Variants in MIB1 observed in about 807,000 individuals in gnomAD.
MIB1 encodes the protein MIB E3 ubiquitin protein ligase 1, also known as E3 ubiquitin-protein ligase MIB1.
Under a neutral mutation model 124.5 loss-of-function variants are expected in MIB1, and 278 were observed. The ratio of observed to expected loss-of-function variants is 2.23; its 90% CI spans 2.02 to 2.47. The LOEUF (loss-of-function observed/expected upper bound fraction) is 2.47. Ranked by LOEUF, MIB1 falls within the 30% of genes most tolerant of loss-of-function variation. The pLI, the probability that MIB1 is intolerant of heterozygous loss-of-function variation, is 0.00. For synonymous variants in MIB1, 446 were observed against 429.4 expected (o/e 1.04, Z -0.48); for missense variants, 957 against 1,254.4 (o/e 0.76, Z 3.58).
chr18:21,833,625 T>A (rs2042002847), intron 12 of MIB1, among the ~76,000 whole-genome samples: 1 of 152,214 alleles, frequency 6.6e-6, no homozygotes, highest in Non-Finnish European at 1.5e-5. Flanking sequence ...GGGAAAATGT[T>A]GCCTGCCTCT....
At chr18:21,840,314 CAATT>C (rs1369975032) in intron 13 of MIB1, among the ~76,000 whole-genome samples, 1 of 151,970 alleles carries the variant, frequency 6.6e-6, no homozygotes, top group African/African-American at 2.4e-5. Context: ...CACATATAGT[CAATT>C]ACTTTTTTTA....
intron 1 of MIB1, among the ~76,000 whole-genome samples, chr18:21,755,550 C>T (rs2041022296): frequency 6.6e-6 from 1 of 152,038 alleles, no homozygotes; most frequent in African/African-American, 2.4e-5. Context: ...CTCCTAACCT[C>T]GTGATCCGCC....
At chr18:21,731,592 C>T (rs1420868186) in intron 1 of MIB1, among the ~76,000 whole-genome samples, 3 of 151,856 alleles carry the variant, frequency 2.0e-5, no homozygotes, top group African/African-American at 4.8e-5. Context: ...CATTAGCCGG[C>T]GTGGTGGCGG....
intron 12 of MIB1, among the ~76,000 whole-genome samples, chr18:21,835,973 G>T (rs2042027054): frequency 6.6e-6 from 1 of 151,818 alleles, no homozygotes; most frequent in South Asian, 2.1e-4. Flanking sequence ...TTTAGATTGG[G>T]CATGGTGGGT....
intron 17 of MIB1, among the ~76,000 whole-genome samples, chr18:21,851,876 T>C (rs1333432676): frequency 2.6e-5 from 4 of 152,278 alleles, no homozygotes; most frequent in Admixed American, 1.3e-4. Context: ...TTTTTTCTTA[T>C]AATAGCGGAA....
intron 15 of MIB1, among the ~76,000 whole-genome samples, chr18:21,844,940 TG>T (rs1047960406): frequency 2.0e-5 from 3 of 152,366 alleles, no homozygotes; most frequent in African/African-American, 7.2e-5. Context: ...GAGTTCTTTA[TG>T]TAATCGGAAT....
intron 7 of MIB1, among the ~76,000 whole-genome samples, chr18:21,795,284 T>C (rs1037244015): frequency 2.8e-5 from 4 of 141,580 alleles, no homozygotes; most frequent in Non-Finnish European, 4.5e-5. Flanking sequence ...TATAAATATA[T>C]ATGTATATAT....
At chr18:21,800,073 T>A in intron 9 of MIB1, 99 bp downstream of exon 9, 1 of 889,116 alleles carries the variant, frequency 1.1e-6, no homozygotes, top group Non-Finnish European at 1.6e-6. Context: ...ATGTGCTTCA[T>A]TTATTTCTTC....
At chr18:21,841,424 T>C (rs2042088208) in intron 13 of MIB1, among the ~76,000 whole-genome samples, 1 of 152,104 alleles carries the variant, frequency 6.6e-6, no homozygotes, top group Non-Finnish European at 1.5e-5. Flanking sequence ...GGTCAAAAGA[T>C]TTAAACATCC....
chr18:21,760,189 A>C (rs969611130), intron 1 of MIB1, among the ~76,000 whole-genome samples: 18 of 152,232 alleles, frequency 1.2e-4, no homozygotes, highest in Non-Finnish European at 2.5e-4. Context: ...ATTAAATTTT[A>C]TGAAATAAAA....
chr18:21,849,457 T>C, intron 17 of MIB1, 69 bp downstream of exon 17: 1 of 904,856 alleles, frequency 1.1e-6, no homozygotes, highest in South Asian at 2.4e-5. Context: ...ATAAATAAGA[T>C]TTAATGACAT....
At chr18:21,782,044 T>G (rs1163161343) in intron 6 of MIB1, among the ~76,000 whole-genome samples, 2 of 152,166 alleles carry the variant, frequency 1.3e-5, no homozygotes, top group African/African-American at 2.4e-5. Flanking sequence ...CTTCTACTAT[T>G]GGATTTGCTT....
rs2042311413 is a variant in MIB1, at chr18:21,865,212, A to G, written c.*546A>G. The G allele has an allele frequency of 6.6e-6, 1 of 152,228 alleles. No homozygotes were observed. The highest frequency in any genetic ancestry group is 2.4e-5 in the African/African-American group (1 of 41,470). 9.4% of individuals were successfully genotyped at this position (152,228 alleles called of 1,614,324 possible). A position where few individuals can be genotyped will look rare whatever the true frequency, so the allele number is the denominator to read the frequency against. On this transcript the variant is annotated 3_prime_UTR_variant, in exon 21 of 21. Coordinates refer to ENST00000261537, the MANE Select transcript of MIB1 (RefSeq NM_020774.4). ...TTTTTAAGATAACAGGAAGTTACCC[A>G]CATGTTTGTTTCTGAATTCTTAGAG... is the stretch of plus-strand genomic sequence containing the variant.
rs80161199 is a variant in MIB1 at position 21,810,186 on chromosome 18, C to T, written c.1480-5430C>T. Among the ~76,000 whole-genome samples, 321 of 152,040 alleles carry T rather than the reference C, an allele frequency of 2.1e-3. 1 individual carries two copies. The highest frequency in any genetic ancestry group is 7.2e-3 in the African/African-American group (297 of 41,488). The stretch of plus-strand genomic sequence containing the variant: ...ATAAAATACTTAGGCATGAACTTAA[C>T]GAAGGAGATAAGACTTATACATTGA... On this transcript the variant is annotated intron_variant, in intron 10 of 20. Coordinates refer to ENST00000261537, the MANE Select transcript of MIB1 (RefSeq NM_020774.4).
rs150071813 is a variant in MIB1, at chr18:21,708,556, C to T, written n.167+3433C>T. Among the ~76,000 whole-genome samples, 1,178 of 151,866 alleles carry T rather than the reference C, an allele frequency of 7.8e-3. 13 individuals are homozygous for T. Among genetic ancestry groups the T allele is most frequent in the African/African-American group, 0.026 (1,062 of 41,382 alleles). On this transcript the variant is annotated intron_variant and non_coding_transcript_variant, in intron 1 of 20. Coordinates refer to the MIB1 transcript ENST00000578646. ...TTGTAATCCCAGCTACTCAGGAGGC[C>T]GAGACAGGAGAATTGCTTGAACCCG...
chr18:21,709,144 G>A (rs567143703), intron 1 of MIB1, among the ~76,000 whole-genome samples: 7 of 152,114 alleles, frequency 4.6e-5, no homozygotes, highest in African/African-American at 9.6e-5. Context: ...GTGAAACCCC[G>A]TCTCTGCTAA....
At chr18:21,706,313 C>T (rs551186965) in intron 1 of MIB1, among the ~76,000 whole-genome samples, 2 of 152,262 alleles carry the variant, frequency 1.3e-5, no homozygotes, top group East Asian at 3.9e-4. Flanking sequence ...ACTCCTGATC[C>T]ACTCGCCTCG....
intron 12 of MIB1, chr18:21,831,093 G>A (rs1465313362): frequency 7.2e-6 from 1 of 138,448 alleles, no homozygotes; most frequent in Middle Eastern, 3.4e-3. Flanking sequence ...TAATTTTATA[G>A]TCTAAAAAAG....
chr18:21,744,097 GT>G (rs768951212), intron 1 of MIB1, among the ~76,000 whole-genome samples: 7,516 of 121,210 alleles, frequency 0.062, 370 homozygotes, highest in African/African-American at 0.16. Flanking sequence ...ATTCTTCAGG[GT>G]TTTTTTTTTT....
Sources: gnomAD v4.1 joint callset for allele counts (sites outside exome capture counted in the v4.1 genomes callset) on GRCh38, gnomAD v4.1.1 for gene constraint, MANE v1.5 for transcripts, NCBI Gene and HGNC (gene_info 2026-07-23, HGNC 2026-07-21) for gene names.